SIRPB1: variants seen among roughly 807,000 people sequenced by gnomAD.
SIRPB1 encodes the protein signal-regulatory protein beta-1.
Under a neutral mutation model 34.1 loss-of-function variants are expected in SIRPB1, and 28 were observed. The observed-to-expected ratio is 0.82, with a 90% CI of 0.61 to 1.12. The LOEUF is 1.12. Ranked by LOEUF, SIRPB1 falls within the 50% of genes most tolerant of loss-of-function variation. SIRPB1 has a pLI of 0.00. For synonymous variants in SIRPB1, 211 were observed against 203.8 expected (o/e 1.04, Z -0.30); for missense variants, 499 against 507.0 (o/e 0.98, Z 0.15).
intron 1 of SIRPB1, among the ~76,000 whole-genome samples, chr20:1,580,074 C>T (rs2091380194): frequency 6.7e-6 from 1 of 148,452 alleles, no homozygotes; most frequent in African/African-American, 2.4e-5. Context: ...AACCATTTCA[C>T]TACGTATATG....
At chr20:1,616,818 A>C (rs1367045722) in intron 1 of SIRPB1, among the ~76,000 whole-genome samples, 1 of 152,232 alleles carries the variant, frequency 6.6e-6, no homozygotes, top group African/African-American at 2.4e-5. Flanking sequence ...AAGTCAATAT[A>C]CAAAATATAT....
chr20:1,603,798 A>G lies in SIRPB1; in HGVS notation c.76+16071T>C. Reference sequence around the variant, plus strand: ...GAAAAAGATAAAATTTAAAAATTTGAAGTAACCTTACCAGGAGCAGTATTT... The same window carrying G: ...GAAAAAGATAAAATTTAAAAATTTGGAGTAACCTTACCAGGAGCAGTATTT... On this transcript the variant is annotated intron_variant, in intron 1 of 5. Transcript: ENST00000381605. 7.1e-6 allele frequency: 4 copies of G among 564,492 alleles called. 2 individuals carry two copies. The highest frequency in any genetic ancestry group is 9.3e-6 in the Non-Finnish European group (4 of 431,036). 35.0% of individuals were successfully genotyped at this position (564,492 alleles called of 1,614,324 possible). A position where few individuals can be genotyped will look rare whatever the true frequency, so the allele number is the denominator to read the frequency against.
chr20:1,565,442 T>C lies in SIRPB1; in HGVS notation c.*58A>G, dbSNP rs1225777287. ...GAGTGTGGGGAAGGTTCTCGCCAGC[T>C]CCTTCTCTCAGGCTGAGCTTCTCAA... On this transcript the variant is annotated 3_prime_UTR_variant, in exon 6 of 6. Coordinates refer to ENST00000381605, the MANE Select transcript of SIRPB1 (RefSeq NM_006065.5). The C allele has an allele frequency of 5.9e-6, 1 of 169,302 alleles. No individual in the cohort carries two copies. Among genetic ancestry groups the C allele is most frequent in the Non-Finnish European group, 1.2e-5 (1 of 80,704 alleles). 10.5% of individuals were successfully genotyped at this position (169,302 alleles called of 1,614,324 possible). A position where few individuals can be genotyped will look rare whatever the true frequency, so the allele number is the denominator to read the frequency against.
At chr20:1,567,105 A>T (rs553207708) in intron 4 of SIRPB1, among the ~76,000 whole-genome samples, 205 of 149,602 alleles carry the variant, frequency 1.4e-3, no homozygotes, top group Middle Eastern at 6.9e-3. Flanking sequence ...AATTTTTTTT[A>T]AAATAAAATG....
intron 1 of SIRPB1, chr20:1,611,579 C>T: frequency 8.6e-7 from 1 of 1,164,638 alleles, no homozygotes; most frequent in Non-Finnish European, 1.2e-6. Context: ...CCTGGTCCAG[C>T]TCCTCTGAAC....
rs1047625143 is a variant in SIRPB1 at position 1,596,105 on chromosome 20, C to T, written c.77-17411G>A. On this transcript the variant is annotated intron_variant, in intron 1 of 5. Coordinates refer to ENST00000381605, the MANE Select transcript of SIRPB1 (RefSeq NM_006065.5). ...GAGGACCCAGTCATGGGAACTCCCA[C>T]ACTTCTGTGAATTTTACCTACAGCA... 1.6e-4 allele frequency among the ~76,000 whole-genome samples: 8 copies of T among 48,822 alleles called. 4 individuals carry two copies. Among genetic ancestry groups the T allele is most frequent in the Admixed American group, 1.1e-3 (8 of 7,354 alleles). The allele number at this position is 48,822 out of a possible 152,430, so 32.0% of individuals were successfully genotyped here. A position where few individuals can be genotyped will look rare whatever the true frequency, so the allele number is the denominator to read the frequency against.
chr20:1,614,895 T>C (rs1321310180), intron 1 of SIRPB1, among the ~76,000 whole-genome samples: 2 of 152,196 alleles, frequency 1.3e-5, no homozygotes, highest in African/African-American at 4.8e-5. Flanking sequence ...CTATGCTATG[T>C]ACAGCTTTGT....
rs2253429 is a variant in SIRPB1, at chr20:1,562,308, G to A, written c.*3192C>T. 6.6e-5 allele frequency among the ~76,000 whole-genome samples: 10 copies of A among 152,002 alleles called. No homozygotes were observed. Among genetic ancestry groups the A allele is most frequent in the South Asian group, 4.1e-4 (2 of 4,824 alleles). Reference sequence around the variant, plus strand: ...AAGCCAAGTGATCAAATGAAGAGAAGTTTTCTTTTGAAATCCAACACCTAG... The same window carrying A: ...AAGCCAAGTGATCAAATGAAGAGAAATTTTCTTTTGAAATCCAACACCTAG... On this transcript the variant is annotated 3_prime_UTR_variant, in exon 6 of 6. Coordinates refer to ENST00000381605, the MANE Select transcript of SIRPB1 (RefSeq NM_006065.5).
intron 1 of SIRPB1, among the ~76,000 whole-genome samples, chr20:1,610,124 A>G (rs118062269): frequency 0.35 from 25,391 of 71,924 alleles, 11,058 homozygotes; most frequent in Middle Eastern, 0.59. Flanking sequence ...CAGGGCTTAC[A>G]TTTGGGAGAA....
Position 1,571,882 on chromosome 20 carries a change from C to G in SIRPB1, c.589G>C (p.Val197Leu), listed in dbSNP as rs140374707. 2 of 1,614,228 alleles carry G rather than the reference C, an allele frequency of 1.2e-6. No homozygotes were observed. Among genetic ancestry groups the G allele is most frequent in the Non-Finnish European group, 1.7e-6 (2 of 1,180,042 alleles). The change falls in exon 3 of 6, where the codon GTG (valine) becomes CTG (leucine). Residue 197 changes from valine (V) to leucine (L), a missense_variant. Transcript: ENST00000381605. ...GACACACTGTCTCCTGCGGGGTCCA[C>G]GTTGGTCTGGAAGTCTGAGAGCTCA... ...GNELSDFQTN[V>L]DPAGDSVSYS... is the part of the protein sequence containing the mutation.
chr20:1,571,210 T>G, intron 3 of SIRPB1, 73 bp from the exon 4 acceptor site: 2 of 1,438,706 alleles, frequency 1.4e-6, no homozygotes, highest in Middle Eastern at 2.4e-4. Flanking sequence ...ATAACGTAGC[T>G]CCCACCAACA....
At position 1,561,549 on chromosome 20, in the gene SIRPB1, T is replaced by C. The variant is rs888840200; in HGVS notation, c.*3951A>G. ...TAGACTTTCCTTGATTTTGATGACC[T>C]TGACAGTTTTGAGGAGTTCTGGGCC... On this transcript the variant is annotated 3_prime_UTR_variant, in exon 6 of 6. Transcript: ENST00000381605. 7.2e-5 allele frequency among the ~76,000 whole-genome samples: 11 copies of C among 152,214 alleles called. No homozygotes were observed. Among genetic ancestry groups the C allele is most frequent in the South Asian group, 4.1e-4 (2 of 4,826 alleles).
chr20:1,619,820 C>G (rs754846012), intron 1 of SIRPB1, 49 bp downstream of exon 1: 1 of 1,360,028 alleles, frequency 7.4e-7, no homozygotes, highest in Non-Finnish European at 1.0e-6. Flanking sequence ...AGGGACAGGC[C>G]ATGGCTCAGT....
chr20:1,571,693 C>CT, intron 3 of SIRPB1, 27 bp downstream of exon 3: 1 of 1,611,736 alleles, frequency 6.2e-7, no homozygotes, highest in East Asian at 2.2e-5. Flanking sequence ...CAGGTGTGGG[C>CT]TTGGGCTGGG....
rs376775567 is a variant in SIRPB1 at position 1,570,479 on chromosome 20, C to A, written c.1084+326G>T. On this transcript the variant is annotated intron_variant, in intron 4 of 5. Transcript: ENST00000381605. ...TGCTGGCGAGAAATGCAGAAGAAGGCGAGACACAGGACTTCATAAACAAAC... is the reference window on the plus strand; with the variant it reads ...TGCTGGCGAGAAATGCAGAAGAAGGAGAGACACAGGACTTCATAAACAAAC... The A allele has an allele frequency of 4.3e-5, 9 of 210,988 alleles. No individual in the cohort carries two copies. The East Asian group carries it at 6.5e-4, about 15-fold the overall frequency. The allele number at this position is 210,988 out of a possible 1,614,324, so 13.1% of individuals were successfully genotyped here.
intron 2 of SIRPB1, among the ~76,000 whole-genome samples, chr20:1,577,521 T>C (rs2091332271): frequency 6.8e-6 from 1 of 147,570 alleles, no homozygotes; most frequent in Non-Finnish European, 1.5e-5. Context: ...TGCTACCTTA[T>C]ATGGGGAACC....
At position 1,589,158 on chromosome 20, in the gene SIRPB1, A is replaced by G. The variant is rs1464511227; in HGVS notation, c.77-10464T>C. ...ATGCTCTTGAAATGATTCCTTATTCAAACCTTTTAATGATATAACTGGCAA... is the reference window on the plus strand; with the variant it reads ...ATGCTCTTGAAATGATTCCTTATTCGAACCTTTTAATGATATAACTGGCAA... On this transcript the variant is annotated intron_variant, in intron 1 of 5. Coordinates refer to ENST00000381605, the MANE Select transcript of SIRPB1 (RefSeq NM_006065.5). Among the ~76,000 whole-genome samples the G allele has an allele frequency of 4.1e-5, 2 of 49,066 alleles. 1 individual carries two copies. Among genetic ancestry groups the G allele is most frequent in the East Asian group, 1.2e-3 (2 of 1,716 alleles). The allele number at this position is 49,066 out of a possible 152,430, so 32.2% of individuals were successfully genotyped here.
chr20:1,611,227 G>T lies in SIRPB1; in HGVS notation c.76+8642C>A, dbSNP rs1241515264. The T allele has an allele frequency of 4.5e-5, 19 of 418,102 alleles. 8 individuals carry two copies. Among genetic ancestry groups the T allele is most frequent in the Non-Finnish European group, 1.9e-5 (5 of 268,758 alleles). The allele number at this position is 418,102 out of a possible 1,614,324, so 25.9% of individuals were successfully genotyped here. On this transcript the variant is annotated intron_variant, in intron 1 of 5. Transcript: ENST00000381605. ...TCAACTCATGTGATCTGGAGAAGGG[G>T]TGACATCAGTTCATGAAAGGGTGGC...
intron 4 of SIRPB1, among the ~76,000 whole-genome samples, chr20:1,570,143 T>G (rs1274516748): frequency 3.3e-5 from 5 of 152,218 alleles, no homozygotes; most frequent in African/African-American, 1.2e-4. Context: ...GTTTCCCCTT[T>G]GGTAAAACTC....
Sources: gnomAD v4.1 joint callset for allele counts (sites outside exome capture counted in the v4.1 genomes callset) on GRCh38, gnomAD v4.1.1 for gene constraint, MANE v1.5 for transcripts, NCBI Gene and HGNC (gene_info 2026-07-23, HGNC 2026-07-21) for gene names.